The following MACC1 variants were observed in gnomAD, a reference collection of about 807,000 sequenced individuals.
MACC1 encodes metastasis-associated in colon cancer protein 1.
In MACC1, 79 loss-of-function variants were observed where a neutral mutation model predicts 70.7. The ratio of observed to expected loss-of-function variants is 1.12; its 90% CI spans 0.93 to 1.35. MACC1 has a LOEUF of 1.35. Ranked by LOEUF, MACC1 falls within the 40% of genes most tolerant of loss-of-function variation. The pLI, the probability that MACC1 is intolerant of heterozygous loss-of-function variation, is 0.00. For missense variants in MACC1, 1,106 were observed against 978.1 expected, an observed-to-expected ratio of 1.13 and a Z score of -1.74; for synonymous variants, 361 against 347.2, an observed-to-expected ratio of 1.04 and a Z score of -0.44.
intron 3 of MACC1, among the ~76,000 whole-genome samples, chr7:20,162,173 T>C (rs1562587345): frequency 6.6e-6 from 1 of 152,082 alleles, no homozygotes; most frequent in African/African-American, 2.4e-5. Flanking sequence ...AAAAAGTAAG[T>C]TGAAAACTAA....
chr7:20,160,246 C>T lies in MACC1; in HGVS notation c.116-1G>A. The T allele has an allele frequency of 6.5e-7, 1 of 1,540,142 alleles. No individual in the cohort carries two copies. Among genetic ancestry groups the T allele is most frequent in the South Asian group, 1.3e-5 (1 of 77,884 alleles). On this transcript the variant is annotated splice_acceptor_variant, in intron 4 of 6. Transcript: ENST00000400331. LOFTEE classifies it high-confidence loss of function. ...TGAAGCAAGTCTGGGTCCTGGCATTCTTGTTATTTAAGGAAAGACAAAGCA... is the reference window on the plus strand; with the variant it reads ...TGAAGCAAGTCTGGGTCCTGGCATTTTTGTTATTTAAGGAAAGACAAAGCA...
chr7:20,182,099 C>A (rs924073427), intron 1 of MACC1, among the ~76,000 whole-genome samples: 11 of 149,000 alleles, frequency 7.4e-5, no homozygotes, highest in Admixed American at 4.1e-4. Flanking sequence ...GGACAAAAAA[C>A]CAAACACCAC....
rs145261703 is a variant in MACC1 at position 20,159,287 on chromosome 7, T to C, written c.1074A>G (p.Pro358=). 1.2e-5 allele frequency: 19 copies of C among 1,614,102 alleles called. No homozygotes were observed. In the African/African-American group the frequency reaches 2.0e-4, roughly 17 times the overall value. Residue 358 remains proline (P), a synonymous_variant, in exon 5 of 7, where the codon CCA becomes CCG. Transcript: ENST00000400331. ...VAAQAKALPS[P]AATIWDYIHK... Reference sequence around the variant, plus strand: ...GGATATAATCCCAAATGGTGGCAGCTGGTGACGGAAGAGCTTTAGCTTGTG... The same window carrying C: ...GGATATAATCCCAAATGGTGGCAGCCGGTGACGGAAGAGCTTTAGCTTGTG...
At chr7:20,200,039 G>A (rs1465951350) in intron 1 of MACC1, among the ~76,000 whole-genome samples, 1 of 151,072 alleles carries the variant, frequency 6.6e-6, no homozygotes, top group African/African-American at 2.4e-5. Flanking sequence ...GTGTGTGTGT[G>A]TGTGTACATA....
intron 2 of MACC1, among the ~76,000 whole-genome samples, chr7:20,165,553 C>A (rs1354484929): frequency 1.3e-5 from 2 of 150,974 alleles, no homozygotes; most frequent in South Asian, 2.1e-4. Context: ...AAAAAATCCT[C>A]GACTGGAAGG....
At chr7:20,191,099 C>G (rs1583405581) in intron 1 of MACC1, among the ~76,000 whole-genome samples, 2 of 152,196 alleles carry the variant, frequency 1.3e-5, no homozygotes, top group African/African-American at 2.4e-5. Context: ...AGCACCTACT[C>G]TATCACTCCG....
chr7:20,175,614 G>A lies in MACC1; in HGVS notation c.-217-4836C>T, dbSNP rs184277598. Among the ~76,000 whole-genome samples the A allele has an allele frequency of 6.6e-5, 10 of 152,130 alleles. No individual in the cohort carries two copies. In the East Asian group the frequency reaches 1.9e-3, roughly 29 times the overall value. On this transcript the variant is annotated intron_variant, in intron 1 of 6. Coordinates refer to ENST00000400331, the MANE Select transcript of MACC1 (RefSeq NM_182762.4). The stretch of plus-strand genomic sequence containing the variant: ...TATATCTATATATTCATATATTAGG[G>A]GGTTTTGTGCCTCTGGCACTGGTAA...
rs2128098762 is a variant in MACC1, at chr7:20,135,585, G to A, written c.*5361C>T. ...ATTAGAAATGCAAGTGATCAGGCCA[G>A]ACCCTCTGAATGAGAAATTCTGGTG... On this transcript the variant is annotated 3_prime_UTR_variant, in exon 7 of 7. Transcript: ENST00000400331. 6.6e-6 allele frequency: 1 copy of A among 152,332 alleles called. No homozygotes were observed. The highest frequency in any genetic ancestry group is 6.5e-5 in the Admixed American group (1 of 15,296). 9.4% of individuals were successfully genotyped at this position (152,332 alleles called of 1,614,324 possible).
At chr7:20,211,478 AC>A (rs1291887679) in intron 1 of MACC1, among the ~76,000 whole-genome samples, 1 of 152,166 alleles carries the variant, frequency 6.6e-6, no homozygotes, top group African/African-American at 2.4e-5. Flanking sequence ...AGGTTGAGAA[AC>A]GGAGAGGTTG....
At chr7:20,173,848 G>T (rs1351819163) in intron 1 of MACC1, among the ~76,000 whole-genome samples, 1 of 152,174 alleles carries the variant, frequency 6.6e-6, no homozygotes, top group Non-Finnish European at 1.5e-5. Context: ...GGGGAAACTA[G>T]CTCTGAAAGT....
At chr7:20,177,031 A>G (rs1420555939) in intron 1 of MACC1, among the ~76,000 whole-genome samples, 1 of 152,136 alleles carries the variant, frequency 6.6e-6, no homozygotes, top group African/African-American at 2.4e-5. Context: ...CACGTGATAA[A>G]ATGTCAAAGA....
chr7:20,212,309 T>C (rs919541510), intron 1 of MACC1, among the ~76,000 whole-genome samples: 2 of 152,222 alleles, frequency 1.3e-5, no homozygotes, highest in Non-Finnish European at 2.9e-5. Context: ...AAAACTCTTC[T>C]ACCATTCCTG....
At chr7:20,192,516 A>G (rs1233539650) in intron 1 of MACC1, among the ~76,000 whole-genome samples, 1 of 152,212 alleles carries the variant, frequency 6.6e-6, no homozygotes, top group Non-Finnish European at 1.5e-5. Flanking sequence ...CCCAAGTGCC[A>G]GAAATGAATG....
chr7:20,136,550 T>A lies in MACC1; in HGVS notation c.*4396A>T, dbSNP rs1359593062. The A allele has an allele frequency of 6.6e-6, 1 of 152,234 alleles. No individual in the cohort carries two copies. The highest frequency in any genetic ancestry group is 1.5e-5 in the Non-Finnish European group (1 of 68,032). The allele number at this position is 152,234 out of a possible 1,614,324, so 9.4% of individuals were successfully genotyped here. A position where few individuals can be genotyped will look rare whatever the true frequency, so the allele number is the denominator to read the frequency against. ...TCAGATACATTTCAGATGCTGTATGTGTACAAATTCAACTTTCCTATGTAT... is the reference window on the plus strand; with the variant it reads ...TCAGATACATTTCAGATGCTGTATGAGTACAAATTCAACTTTCCTATGTAT... On this transcript the variant is annotated 3_prime_UTR_variant, in exon 7 of 7. Transcript: ENST00000400331.
intron 6 of MACC1, among the ~76,000 whole-genome samples, chr7:20,142,529 G>C (rs73276414): frequency 6.6e-6 from 1 of 151,954 alleles, no homozygotes; most frequent in Admixed American, 6.6e-5. Context: ...CTCACCAACC[G>C]GATTAATAAT....
At chr7:20,177,704 G>C (rs1210510289) in intron 1 of MACC1, among the ~76,000 whole-genome samples, 1 of 143,536 alleles carries the variant, frequency 7.0e-6, no homozygotes, top group Non-Finnish European at 1.5e-5. Context: ...ATTAATTTCA[G>C]AATTTAGCTG....
At chr7:20,150,042 A>T (rs1583382374) in intron 6 of MACC1, among the ~76,000 whole-genome samples, 1 of 152,220 alleles carries the variant, frequency 6.6e-6, no homozygotes, top group Non-Finnish European at 1.5e-5. Flanking sequence ...TATTGAAATA[A>T]TAGAGATACT....
chr7:20,185,159 T>C (rs1782567118), intron 1 of MACC1: 1 of 152,210 alleles, frequency 6.6e-6, no homozygotes, highest in African/African-American at 2.4e-5. Flanking sequence ...CCCAAAATTG[T>C]TATTTGTTAT....
chr7:20,177,254 T>C (rs1782408170), intron 1 of MACC1, among the ~76,000 whole-genome samples: 1 of 152,164 alleles, frequency 6.6e-6, no homozygotes, highest in African/African-American at 2.4e-5. Context: ...AAATAACAAA[T>C]GATAACATTT....
Sources: allele counts gnomAD v4.1 joint callset (sites outside exome capture counted in the v4.1 genomes callset), GRCh38; gene constraint gnomAD v4.1.1; transcripts MANE v1.5; gene names NCBI Gene and HGNC (gene_info 2026-07-23, HGNC 2026-07-21).